The following ZNF85 variants were observed in gnomAD, a reference collection of about 807,000 sequenced individuals.
ZNF85 encodes zinc finger protein 85, also known as zinc finger protein 85 (HPF4, HTF1).
Under a neutral mutation model 53.9 loss-of-function variants are expected in ZNF85, and 50 were observed. The ratio of observed to expected loss-of-function variants is 0.93; its 90% CI spans 0.74 to 1.17. The LOEUF is 1.17. Among genes scored for constraint, ZNF85 ranks in the 50% most tolerant of loss-of-function variants. The pLI, the probability that ZNF85 is intolerant of heterozygous loss-of-function variation, is 0.00. For synonymous variants in ZNF85, 225 were observed against 226.1 expected, an observed-to-expected ratio of 1.00 and a Z score of 0.04; for missense variants, 747 against 688.5, an observed-to-expected ratio of 1.08 and a Z score of -0.95.
At chr19:20,930,169 CCTTCTGCCTTT>C (rs1327125407) in intron 1 of ZNF85, among the ~76,000 whole-genome samples, 3 of 145,920 alleles carry the variant, frequency 2.1e-5, no homozygotes, top group Admixed American at 6.9e-5. Context: ...TCTGGTGAAT[CCTTCTGCCTTT>C]CTAGAGTTCA....
At chr19:20,946,764 A>G (rs1255238562) in intron 3 of ZNF85, among the ~76,000 whole-genome samples, 1 of 151,894 alleles carries the variant, frequency 6.6e-6, no homozygotes, top group Non-Finnish European at 1.5e-5. Context: ...TTCTGCTCTC[A>G]TTTGGTTAAA....
rs886600637 is a variant in ZNF85 at position 20,949,813 on chromosome 19, A to T, written c.1299A>T (p.Lys433Asn). The change falls in exon 4 of 4, where the codon AAA becomes AAT. Residue 433 changes from lysine (K) to asparagine (N), a missense_variant. Transcript: ENST00000328178. ...EKPYKCKECE[K>N]AFNQSSKLTE... ...CTTACAAATGTAAAGAATGTGAAAA[A>T]GCTTTTAACCAATCCTCAAAACTTA... 6.2e-7 allele frequency: 1 copy of T among 1,612,268 alleles called. No homozygotes were observed. The highest frequency in any genetic ancestry group is 8.5e-7 in the Non-Finnish European group (1 of 1,179,098).
intron 3 of ZNF85, chr19:20,944,017 G>C (rs1248197158): frequency 6.2e-6 from 2 of 320,166 alleles, no homozygotes; most frequent in African/African-American, 2.2e-5. Flanking sequence ...GTTTGTTATT[G>C]GTATTAAATA....
In ZNF85 at chr19:20,950,104, A is replaced by G. The variant is rs1973543599; in HGVS notation, c.1590A>G (p.Lys530=). 1 of 1,613,542 alleles carries G rather than the reference A, an allele frequency of 6.2e-7. No homozygotes were observed. Among genetic ancestry groups the G allele is most frequent in the East Asian group, 2.2e-5 (1 of 44,804 alleles). The change falls in exon 4 of 4, where the codon AAA becomes AAG. Residue 530 remains lysine (K), a synonymous_variant. Coordinates refer to ENST00000328178, the MANE Select transcript of ZNF85 (RefSeq NM_003429.5). ...CCTCAAAACTTACCAAACATAAGAA[A>G]ATTCATACTGGAGAGAAACCCTACA... ...NQSSKLTKHK[K]IHTGEKPYTC...
In ZNF85 at chr19:20,950,475, CTT is replaced by C. The variant is rs897397834; in HGVS notation, c.*175_*176del. On this transcript the variant is annotated 3_prime_UTR_variant, in exon 4 of 4. Coordinates refer to ENST00000328178, the MANE Select transcript of ZNF85 (RefSeq NM_003429.5). ...AAAAATGTGAAGACTATGGCAAAGT[CTT>C]TAAATGGTTGTCACACTTTAGGTAA... 2.0e-6 allele frequency: 1 copy of C among 497,568 alleles called. No homozygotes were observed. Among genetic ancestry groups the C allele is most frequent in the Admixed American group, 3.8e-5 (1 of 26,280 alleles). The allele number at this position is 497,568 out of a possible 1,614,324, so 30.8% of individuals were successfully genotyped here.
In ZNF85 at chr19:20,950,106, T is replaced by A. The variant is rs756771052; in HGVS notation, c.1592T>A (p.Ile531Asn). Residue 531 changes from isoleucine (I) to asparagine (N), a missense_variant, in exon 4 of 4, where the codon ATT (isoleucine) becomes AAT (asparagine). Physicochemically the swap from Ile to Asn is moderately radical, Grantham distance 149 (BLOSUM62 -3). Coordinates refer to ENST00000328178, the MANE Select transcript of ZNF85 (RefSeq NM_003429.5). ...QSSKLTKHKKIHTGEKPYTCE... is the reference protein window; with the variant it reads ...QSSKLTKHKKNHTGEKPYTCE... ...TCAAAACTTACCAAACATAAGAAAA[T>A]TCATACTGGAGAGAAACCCTACACA... 2 of 1,613,266 alleles carry A rather than the reference T, an allele frequency of 1.2e-6. No individual in the cohort carries two copies. Among genetic ancestry groups the A allele is most frequent in the South Asian group, 2.2e-5 (2 of 91,060 alleles).
At chr19:20,942,784 T>C (rs927914445) in intron 3 of ZNF85, 29 of 699,400 alleles carry the variant, frequency 4.1e-5, no homozygotes, top group Non-Finnish European at 6.5e-5. Context: ...GTTGTTGTCA[T>C]TGTTATTTTG....
At chr19:20,943,899 A>G (rs1382330900) in intron 3 of ZNF85, 1 of 155,430 alleles carries the variant, frequency 6.4e-6, no homozygotes, top group East Asian at 1.9e-4. Flanking sequence ...TAAAGCATAT[A>G]ATGTCTAATA....
chr19:20,945,884 A>T (rs1472696174), intron 3 of ZNF85, among the ~76,000 whole-genome samples: 1 of 152,218 alleles, frequency 6.6e-6, no homozygotes, highest in African/African-American at 2.4e-5. Context: ...CAATGCTGCA[A>T]TAATTATGGG....
rs768097517 is a variant in ZNF85, at chr19:20,947,488, C to CTTTTTTTTTTTTTTTTTTTTTTTTTTT, written c.230-1253_230-1227dup. On this transcript the variant is annotated intron_variant, in intron 3 of 3. Transcript: ENST00000328178. ...GTAGGGCATATGCAGTGCCAATACA[C>CTTTTTTTTTTTTTTTTTTTTTTTTTTT]TTTTTTTTTTTTTTTTTTTTTTTTT... Among the ~76,000 whole-genome samples, 2 of 51,634 alleles carry CTTTTTTTTTTTTTTTTTTTTTTTTTTT rather than the reference C, an allele frequency of 3.9e-5. 1 individual carries two copies. Among genetic ancestry groups the CTTTTTTTTTTTTTTTTTTTTTTTTTTT allele is most frequent in the Non-Finnish European group, 6.5e-5 (2 of 30,854 alleles). The allele number at this position is 51,634 out of a possible 152,430, so 33.9% of individuals were successfully genotyped here.
chr19:20,935,705 T>C (rs530049973), intron 3 of ZNF85, among the ~76,000 whole-genome samples: 2 of 151,684 alleles, frequency 1.3e-5, no homozygotes, highest in South Asian at 2.1e-4. Context: ...TGGAGTGCAA[T>C]GGTGTGATCT....
At chr19:20,935,682 T>G (rs1235880033) in intron 3 of ZNF85, among the ~76,000 whole-genome samples, 2 of 151,600 alleles carry the variant, frequency 1.3e-5, no homozygotes. Flanking sequence ...TATTTCGCTC[T>G]TGTTACCCAG....
chr19:20,935,765 T>G (rs112885811), intron 3 of ZNF85, among the ~76,000 whole-genome samples: 1,789 of 152,060 alleles, frequency 0.012, 32 homozygotes, highest in African/African-American at 0.034. Context: ...GGTCAGGCTG[T>G]TCTCAAACTC....
At chr19:20,925,412 A>T (rs1972857210) in intron 1 of ZNF85, among the ~76,000 whole-genome samples, 1 of 149,710 alleles carries the variant, frequency 6.7e-6, no homozygotes, top group Non-Finnish European at 1.5e-5. Context: ...AGCCAAGGTC[A>T]TGCCACTGCA....
Position 20,949,109 on chromosome 19 carries a change from G to A in ZNF85, c.595G>A (p.Val199Ile), listed in dbSNP as rs1420001559. 3 of 1,613,442 alleles carry A rather than the reference G, an allele frequency of 1.9e-6. No homozygotes were observed. In the South Asian group the frequency reaches 3.3e-5, roughly 18 times the overall value. The stretch of plus-strand genomic sequence containing the variant: ...TGAACATAGCAGAATTCATACTAGA[G>A]TAAATTTCTACAAATGTGAAGAATG... ...LTEHSRIHTR[V>I]NFYKCEECGK... Residue 199 changes from valine to isoleucine, a missense_variant, in exon 4 of 4, where the codon GTA becomes ATA. Physicochemically the swap from Val to Ile is conservative, Grantham distance 29 (BLOSUM62 3). Coordinates refer to ENST00000328178, the MANE Select transcript of ZNF85 (RefSeq NM_003429.5).
intron 3 of ZNF85, chr19:20,936,872 ATT>A (rs1973169983): frequency 6.5e-6 from 1 of 153,190 alleles, no homozygotes; most frequent in Admixed American, 6.5e-5. Flanking sequence ...AGAAGTTACT[ATT>A]TATTCCTAAT....
intron 3 of ZNF85, chr19:20,943,013 T>G (rs1021976906): frequency 2.0e-6 from 1 of 505,770 alleles, no homozygotes; most frequent in Non-Finnish European, 3.5e-6. Flanking sequence ...TGGCTCCAAA[T>G]GATCCTCCTA....
chr19:20,935,207 G>A lies in ZNF85; in HGVS notation c.229+160G>A, dbSNP rs529941302. Among the ~76,000 whole-genome samples the A allele has an allele frequency of 5.3e-4, 81 of 152,216 alleles. 1 individual carries two copies. The highest frequency in any genetic ancestry group is 1.9e-3 in the African/African-American group (80 of 41,542). On this transcript the variant is annotated intron_variant, in intron 3 of 3. Transcript: ENST00000328178. ...TTCTTTCTTTTTTGCTCTCACATGG[G>A]GGCATCTTCTGTCTTATACTTTTAA...
intron 3 of ZNF85, among the ~76,000 whole-genome samples, chr19:20,937,974 A>G (rs562319410): frequency 9.2e-5 from 14 of 152,272 alleles, no homozygotes; most frequent in East Asian, 7.7e-4. Context: ...ATACTCCTCA[A>G]TCTTGGGCTT....
Sources: allele counts gnomAD v4.1 joint callset (sites outside exome capture counted in the v4.1 genomes callset), GRCh38; gene constraint gnomAD v4.1.1; transcripts MANE v1.5; gene names NCBI Gene and HGNC (gene_info 2026-07-23, HGNC 2026-07-21).